Variants in RBMS3 observed in about 807,000 individuals in gnomAD.
RBMS3 encodes the protein RNA-binding motif, single-stranded-interacting protein 3.
A neutral mutation model predicts 66.8 loss-of-function variants in RBMS3; 27 were observed. The observed-to-expected ratio is 0.40, with a 90% CI of 0.30 to 0.56. RBMS3 has a LOEUF of 0.56. Among genes scored for constraint, RBMS3 ranks in the 20% least tolerant of loss-of-function variants. The probability of loss-of-function intolerance (pLI) is 0.40; values close to 1 mark genes in which losing one functional copy is unlikely to be tolerated. For missense variants in RBMS3, 513 were observed against 549.5 expected, an observed-to-expected ratio of 0.93 and a Z score of 0.66; for synonymous variants, 188 against 183.0, an observed-to-expected ratio of 1.03 and a Z score of -0.22.
chr3:29,910,406 A>C (rs546482448), intron 10 of RBMS3, among the ~76,000 whole-genome samples: 1 of 152,226 alleles, frequency 6.6e-6, no homozygotes, highest in East Asian at 1.9e-4. Flanking sequence ...AACTTTTAAC[A>C]CTTATGTGAA....
intron 2 of RBMS3, chr3:29,435,146 G>T: frequency 2.0e-6 from 1 of 495,710 alleles, no homozygotes; most frequent in South Asian, 3.6e-5. Flanking sequence ...TGGAAATGCT[G>T]GCTGATTCAT....
At chr3:29,933,053 C>A (rs150088011) in intron 10 of RBMS3, among the ~76,000 whole-genome samples, 4 of 152,290 alleles carry the variant, frequency 2.6e-5, no homozygotes, top group African/African-American at 9.6e-5. Flanking sequence ...AGCCAGACAT[C>A]CAGAGATGCT....
chr3:29,739,458 GAAAAA>G (rs56861996), intron 4 of RBMS3, among the ~76,000 whole-genome samples: 1 of 129,622 alleles, frequency 7.7e-6, no homozygotes, highest in African/African-American at 2.9e-5. Flanking sequence ...TCCGTCTCAA[GAAAAA>G]AAAAAAAAAA....
At chr3:29,519,844 T>C (rs1393183736) in intron 3 of RBMS3, among the ~76,000 whole-genome samples, 4 of 152,196 alleles carry the variant, frequency 2.6e-5, no homozygotes, top group African/African-American at 4.8e-5. Flanking sequence ...TAATAACTTT[T>C]ACTGTGATTT....
At chr3:29,473,301 T>A (rs2042813164) in intron 2 of RBMS3, among the ~76,000 whole-genome samples, 1 of 151,960 alleles carries the variant, frequency 6.6e-6, no homozygotes, top group Non-Finnish European at 1.5e-5. Flanking sequence ...GTATTTACAA[T>A]CCCTTAGCTA....
rs565903426 is a variant in RBMS3 at position 29,879,002 on chromosome 3, G to T, written c.745-5160G>T. 1.1e-4 allele frequency among the ~76,000 whole-genome samples: 17 copies of T among 152,118 alleles called. No homozygotes were observed. The East Asian group carries it at 2.7e-3, about 24-fold the overall frequency. On this transcript the variant is annotated intron_variant, in intron 7 of 14. Coordinates refer to ENST00000383767, the MANE Select transcript of RBMS3 (RefSeq NM_001003793.3). ...GTTTGAAGTTACAGTGAGCTATACT[G>T]TACTCCAACCTGGGCAACAGAGTGA...
At chr3:29,323,384 C>T (rs1350638584) in intron 1 of RBMS3, among the ~76,000 whole-genome samples, 1 of 152,028 alleles carries the variant, frequency 6.6e-6, no homozygotes, top group African/African-American at 2.4e-5. Flanking sequence ...AAGCCGTAAA[C>T]TAGGTCGTAT....
chr3:29,696,049 A>G (rs960502071), intron 4 of RBMS3, among the ~76,000 whole-genome samples: 1 of 152,284 alleles, frequency 6.6e-6, no homozygotes, highest in East Asian at 1.9e-4. Flanking sequence ...AAGATCCCCT[A>G]GGCATTGACA....
intron 1 of RBMS3, among the ~76,000 whole-genome samples, chr3:29,313,793 T>G (rs981304958): frequency 5.9e-5 from 9 of 151,614 alleles, no homozygotes; most frequent in Admixed American, 5.9e-4. Flanking sequence ...AGATGGATAG[T>G]ATGCTTAATA....
intron 1 of RBMS3, among the ~76,000 whole-genome samples, chr3:29,332,181 T>A (rs1001214383): frequency 1.3e-5 from 2 of 152,134 alleles, no homozygotes; most frequent in African/African-American, 4.8e-5. Flanking sequence ...ACTGACTGAT[T>A]TATCTCTTTT....
chr3:29,501,310 T>C (rs1391583220), intron 3 of RBMS3, among the ~76,000 whole-genome samples: 1 of 152,156 alleles, frequency 6.6e-6, no homozygotes, highest in Non-Finnish European at 1.5e-5. Context: ...TCCAGGTCAG[T>C]CTATATTTCC....
intron 4 of RBMS3, among the ~76,000 whole-genome samples, chr3:29,609,995 A>T (rs1222771946): frequency 6.6e-6 from 1 of 152,070 alleles, no homozygotes; most frequent in Admixed American, 6.6e-5. Context: ...GTATGCTGCT[A>T]AAACATTTCA....
At chr3:29,462,678 G>A (rs1009189413) in intron 2 of RBMS3, among the ~76,000 whole-genome samples, 6 of 152,074 alleles carry the variant, frequency 3.9e-5, no homozygotes, top group African/African-American at 1.4e-4. Context: ...TAACAATAAA[G>A]CTATATTTGA....
In RBMS3 at chr3:29,532,237, CATATATATGTATATATATATATATGTAT is replaced by C. The variant is rs1417349175; in HGVS notation, c.307+43747_307+43774del. On this transcript the variant is annotated intron_variant, in intron 3 of 14. Transcript: ENST00000383767. ...ATCTTTCAGTCTTATTTTAATTTCGCATATATATGTATATATATATATATGTATATATATATATATATATTTCCATAGA... is the reference window on the plus strand; with the variant it reads ...ATCTTTCAGTCTTATTTTAATTTCGCATATATATATATATATTTCCATAGA... Among the ~76,000 whole-genome samples the C allele has an allele frequency of 1.4e-3, 125 of 92,128 alleles. 8 individuals carry two copies. Among genetic ancestry groups the C allele is most frequent in the African/African-American group, 6.3e-3 (101 of 15,960 alleles). The allele number at this position is 92,128 out of a possible 152,430, so 60.4% of individuals were successfully genotyped here. A position where few individuals can be genotyped will look rare whatever the true frequency, so the allele number is the denominator to read the frequency against.
intron 1 of RBMS3, among the ~76,000 whole-genome samples, chr3:29,347,249 A>G (rs968387584): frequency 9.2e-5 from 14 of 152,242 alleles, no homozygotes; most frequent in African/African-American, 3.4e-4. Flanking sequence ...AAAAGCATCA[A>G]GTTAACTTTC....
At chr3:29,307,401 G>A (rs1177524328) in intron 1 of RBMS3, among the ~76,000 whole-genome samples, 2 of 151,904 alleles carry the variant, frequency 1.3e-5, no homozygotes, top group Non-Finnish European at 2.9e-5. Flanking sequence ...TAAGCATGTG[G>A]TTCTCTATTT....
At chr3:29,575,421 G>A (rs964385586) in intron 3 of RBMS3, among the ~76,000 whole-genome samples, 2 of 151,512 alleles carry the variant, frequency 1.3e-5, no homozygotes, top group Admixed American at 6.6e-5. Flanking sequence ...ACTACTTTTA[G>A]GATCCTTTCT....
intron 1 of RBMS3, among the ~76,000 whole-genome samples, chr3:29,366,249 G>T (rs2125591757): frequency 6.6e-6 from 1 of 152,240 alleles, no homozygotes; most frequent in Admixed American, 6.5e-5. Context: ...TGATTACTTT[G>T]TTAAGTGATA....
intron 1 of RBMS3, among the ~76,000 whole-genome samples, chr3:29,427,521 G>A (rs779833242): frequency 1.3e-5 from 2 of 152,244 alleles, no homozygotes; most frequent in Non-Finnish European, 2.9e-5. Context: ...TCAAGGAGAT[G>A]AATCCAACAG....
Sources: allele counts gnomAD v4.1 joint callset (sites outside exome capture counted in the v4.1 genomes callset), GRCh38; gene constraint gnomAD v4.1.1; transcripts MANE v1.5; gene names NCBI Gene and HGNC (gene_info 2026-07-23, HGNC 2026-07-21).